Variants in DLL4 observed in about 807,000 individuals in gnomAD.
DLL4 encodes delta-like protein 4.
In DLL4, 7 loss-of-function variants were observed where a neutral mutation model predicts 73.6. The observed-to-expected ratio is 0.10, with a 90% CI of 0.05 to 0.18. The LOEUF is 0.18. Among genes scored for constraint, DLL4 ranks in the 10% least tolerant of loss-of-function variants. The pLI, the probability that DLL4 is intolerant of heterozygous loss-of-function variation, is 1.00. For synonymous variants in DLL4, 345 were observed against 374.3 expected (o/e 0.92, Z 0.90); for missense variants, 614 against 929.9 (o/e 0.66, Z 4.42).
intron 8 of DLL4, among the ~76,000 whole-genome samples, chr15:40,935,495 A>G (rs1361604179): frequency 6.6e-6 from 1 of 152,226 alleles, no homozygotes; most frequent in African/African-American, 2.4e-5. Context: ...TGGAGGCCTC[A>G]TCTTGCCCCG....
At chr15:40,934,819 G>A in intron 7 of DLL4, 79 bp from the exon 8 acceptor site, 1 of 1,585,680 alleles carries the variant, frequency 6.3e-7, no homozygotes. Context: ...AGGCATTGTG[G>A]GCAGGTGGAG....
chr15:40,932,848 C>T (rs749350643), intron 6 of DLL4, among the ~76,000 whole-genome samples: 2 of 152,222 alleles, frequency 1.3e-5, no homozygotes, highest in Non-Finnish European at 2.9e-5. Flanking sequence ...CTCCCCTAAA[C>T]AGCTGTCCGG....
At chr15:40,931,347 T>A in intron 3 of DLL4, 156 bp from the exon 4 acceptor site, 1 of 884,312 alleles carries the variant, frequency 1.1e-6, no homozygotes, top group African/African-American at 1.7e-5. Flanking sequence ...TGGGTCCCTC[T>A]GGCCTGTTCT....
At chr15:40,937,795 G>T (rs1596195850) in intron 10 of DLL4, among the ~76,000 whole-genome samples, 1 of 152,140 alleles carries the variant, frequency 6.6e-6, no homozygotes, top group Admixed American at 6.5e-5. Context: ...TGGGTGAGGG[G>T]GCCCCTCACC....
Position 40,932,251 on chromosome 15 carries a change from T to C in DLL4, c.719+20T>C, listed in dbSNP as rs779427097. 3.1e-6 allele frequency: 5 copies of C among 1,613,966 alleles called. No individual in the cohort carries two copies. The highest frequency in any genetic ancestry group is 4.2e-6 in the Non-Finnish European group (5 of 1,179,868). On this transcript the variant is annotated intron_variant, in intron 5 of 10. Transcript: ENST00000249749. Reference sequence around the variant, plus strand: ...GTGCCTGTGAGTAGGGGACAGGAAGTGGTGAGTGGGAGCCCTCCCTTGGCC... The same window carrying C: ...GTGCCTGTGAGTAGGGGACAGGAAGCGGTGAGTGGGAGCCCTCCCTTGGCC...
chr15:40,936,954 G>A, intron 9 of DLL4, 24 bp downstream of exon 9: 1 of 1,543,902 alleles, frequency 6.5e-7, no homozygotes, highest in South Asian at 1.2e-5. Context: ...AGAAGCCCAG[G>A]GCCTGGCCAC....
chr15:40,932,779 C>T lies in DLL4; in HGVS notation c.850+332C>T, dbSNP rs528588711. Among the ~76,000 whole-genome samples, 29 of 152,242 alleles carry T rather than the reference C, an allele frequency of 1.9e-4. 1 individual carries two copies. Among genetic ancestry groups the T allele is most frequent in the African/African-American group, 6.0e-4 (25 of 41,544 alleles). ...GCAGGCTCAGTTCCTCTTTCAACCC[C>T]GTAGTTACCTATTAACCCCCTGAGT... On this transcript the variant is annotated intron_variant, in intron 6 of 10. Coordinates refer to ENST00000249749, the MANE Select transcript of DLL4 (RefSeq NM_019074.4).
rs942696525 is a variant in DLL4, at chr15:40,930,836, G to T, written c.394+154G>T. On this transcript the variant is annotated intron_variant, in intron 3 of 10. Transcript: ENST00000249749. The surrounding 1 kb of genome is among the most constrained non-coding windows in gnomAD (Gnocchi z 5.7). ...GCCCCGCGCTGGACGCTCGGATTCC[G>T]CTCGCTGCCTGGACTCAGAGCACAA... 8 of 740,024 alleles carry T rather than the reference G, an allele frequency of 1.1e-5. No homozygotes were observed. Among genetic ancestry groups the T allele is most frequent in the South Asian group, 1.8e-5 (1 of 55,482 alleles). 45.8% of individuals were successfully genotyped at this position (740,024 alleles called of 1,614,324 possible).
intron 3 of DLL4, chr15:40,931,115 C>T (rs1892763972): frequency 2.7e-6 from 1 of 375,668 alleles, no homozygotes; most frequent in Admixed American, 4.3e-5. Context: ...GGCAGAACCC[C>T]TGAATGGGCA....
chr15:40,930,171 C>T lies in DLL4; in HGVS notation c.336+55C>T. 3.8e-6 allele frequency: 6 copies of T among 1,565,454 alleles called. No homozygotes were observed. Among genetic ancestry groups the T allele is most frequent in the Admixed American group, 3.7e-5 (2 of 53,866 alleles). ...CGCAGAAGCCGAGAGAGGAGGCGCCCTGGGACCAAAGCCCCCTCCCCAGAT... is the reference window on the plus strand; with the variant it reads ...CGCAGAAGCCGAGAGAGGAGGCGCCTTGGGACCAAAGCCCCCTCCCCAGAT... On this transcript the variant is annotated intron_variant, in intron 2 of 10. Transcript: ENST00000249749. This position sits in a 1 kb window ranked among gnomAD's most constrained non-coding sequence, Gnocchi z 5.7.
chr15:40,933,211 G>A (rs1369974917), intron 6 of DLL4, among the ~76,000 whole-genome samples: 1 of 152,208 alleles, frequency 6.6e-6, no homozygotes, highest in Non-Finnish European at 1.5e-5. Flanking sequence ...AGGGTGGAAA[G>A]AAATTGCCTA....
chr15:40,932,690 T>G (rs1596193084), intron 6 of DLL4, among the ~76,000 whole-genome samples: 1 of 151,422 alleles, frequency 6.6e-6, no homozygotes, highest in African/African-American at 2.4e-5. Flanking sequence ...CCCAGGGGGG[T>G]GACAAGGTCG....
chr15:40,929,855 C>T lies in DLL4; in HGVS notation c.75C>T (p.Ala25=). Reference sequence around the variant, plus strand: ...CGGTCCCTGTGCAATAGCGCGCGGCCGGCTCCGGCGTCTTCCAGCTGCAGC... The same window carrying T: ...CGGTCCCTGTGCAATAGCGCGCGGCTGGCTCCGGCGTCTTCCAGCTGCAGC... ...LLVALWQQRA[A]GSGVFQLQLQ... Residue 25 remains alanine (A), a synonymous_variant, in exon 2 of 11, where the codon GCC becomes GCT. Coordinates refer to ENST00000249749, the MANE Select transcript of DLL4 (RefSeq NM_019074.4). The surrounding 1 kb of genome is among the most constrained non-coding windows in gnomAD (Gnocchi z 7.1). 6.2e-7 allele frequency: 1 copy of T among 1,611,392 alleles called. No homozygotes were observed. The highest frequency in any genetic ancestry group is 8.5e-7 in the Non-Finnish European group (1 of 1,179,464).
chr15:40,935,662 G>A (rs1656290128), intron 8 of DLL4, among the ~76,000 whole-genome samples: 2 of 152,216 alleles, frequency 1.3e-5, no homozygotes, highest in African/African-American at 4.8e-5. Flanking sequence ...GGGTGGGAAG[G>A]GCTGAGAGGG....
Position 40,931,772 on chromosome 15 carries a change from C to G in DLL4, c.658+6C>G. 6.2e-7 allele frequency: 1 copy of G among 1,613,172 alleles called. No homozygotes were observed. Among genetic ancestry groups the G allele is most frequent in the African/African-American group, 1.3e-5 (1 of 75,052 alleles). ...TGGGGAATATTGCCAACAGCGTAAGCAGTCAAGCTCCCACCTGTGTGGAAG... is the reference window on the plus strand; with the variant it reads ...TGGGGAATATTGCCAACAGCGTAAGGAGTCAAGCTCCCACCTGTGTGGAAG... On this transcript the variant is annotated splice_donor_region_variant and intron_variant, in intron 4 of 10. Coordinates refer to ENST00000249749, the MANE Select transcript of DLL4 (RefSeq NM_019074.4).
intron 7 of DLL4, 81 bp downstream of exon 7, chr15:40,934,798 C>T: frequency 6.3e-7 from 1 of 1,583,192 alleles, no homozygotes; most frequent in Non-Finnish European, 8.6e-7. Context: ...AGTGGATGTA[C>T]AGCCATGGAC....
At chr15:40,935,160 G>T (rs759232997) in intron 8 of DLL4, 43 bp downstream of exon 8, 1 of 1,567,032 alleles carries the variant, frequency 6.4e-7, no homozygotes, top group Non-Finnish European at 8.7e-7. Context: ...TGGCCCTGGG[G>T]CTGAGAGAGA....
Position 40,938,340 on chromosome 15 carries a change from G to A in DLL4, c.*306G>A. The stretch of plus-strand genomic sequence containing the variant: ...TCAGGGGGCTCCTTCCGGGGCTCCG[G>A]CCTGTTTTCCAGAGAGAGTGGCAGT... On this transcript the variant is annotated 3_prime_UTR_variant, in exon 11 of 11. Transcript: ENST00000249749. 3.4e-6 allele frequency: 1 copy of A among 297,736 alleles called. No individual in the cohort carries two copies. Among genetic ancestry groups the A allele is most frequent in the Non-Finnish European group, 6.2e-6 (1 of 161,982 alleles). 18.4% of individuals were successfully genotyped at this position (297,736 alleles called of 1,614,324 possible). A position where few individuals can be genotyped will look rare whatever the true frequency, so the allele number is the denominator to read the frequency against.
chr15:40,931,523 C>G lies in DLL4; in HGVS notation c.415C>G (p.Leu139Val). 6.2e-7 allele frequency: 1 copy of G among 1,609,122 alleles called. No homozygotes were observed. Among genetic ancestry groups the G allele is most frequent in the African/African-American group, 1.3e-5 (1 of 74,936 alleles). ...CTCAGAGGCCTTGCCACCAGATGCA[C>G]TCATCAGCAAGATCGCCATCCAGGG... The part of the protein sequence containing the change: ...LRPEALPPDA[L>V]ISKIAIQGSL... Residue 139 changes from leucine to valine, a missense_variant, in exon 4 of 11, where the codon CTC becomes GTC. Physicochemically the swap from Leu to Val is conservative, Grantham distance 32. Around this residue, in one of 3 missense-constraint regions of DLL4, gnomAD observed 227 missense variants for 370.8 expected, o/e 0.61. Transcript: ENST00000249749.
Sources: allele counts gnomAD v4.1 joint callset (sites outside exome capture counted in the v4.1 genomes callset), GRCh38; gene constraint gnomAD v4.1.1; regional missense constraint gnomAD v4.1.1; non-coding constraint Gnocchi (gnomAD v3.1); transcripts MANE v1.5; gene names NCBI Gene and HGNC (gene_info 2026-07-23, HGNC 2026-07-21).